Variants in CHL1 observed in about 807,000 individuals in gnomAD.
CHL1 encodes cell adhesion molecule L1 like, also known as neural cell adhesion molecule L1-like protein.
CHL1 carries 96 observed loss-of-function variants against 141.9 expected under a neutral mutation model. The observed-to-expected ratio is 0.68, with a 90% CI of 0.57 to 0.80. CHL1 has a LOEUF of 0.80. CHL1 is among the 30% of genes least tolerant of loss of function. The pLI, the probability that CHL1 is intolerant of heterozygous loss-of-function variation, is 0.00. For synonymous variants in CHL1, 613 were observed against 502.2 expected (o/e 1.22, Z -2.95); for missense variants, 1,820 against 1,457.2 (o/e 1.25, Z -4.05).
chr3:338,099 T>G (rs939046795), intron 5 of CHL1, among the ~76,000 whole-genome samples: 3 of 152,034 alleles, frequency 2.0e-5, no homozygotes, highest in Admixed American at 6.6e-5. Context: ...CTCCTGACCT[T>G]GTGATCCGCC....
chr3:308,333 C>G (rs1033611747), intron 2 of CHL1, among the ~76,000 whole-genome samples: 4 of 152,052 alleles, frequency 2.6e-5, no homozygotes, highest in Admixed American at 6.5e-5. Context: ...TGGCAACTGC[C>G]TCATAAAATG....
rs181641607 is a variant in CHL1, at chr3:298,346, G to A, written c.-94-21337G>A. Among the ~76,000 whole-genome samples, 657 of 152,218 alleles carry A rather than the reference G, an allele frequency of 4.3e-3. 6 individuals carry two copies. Among genetic ancestry groups the A allele is most frequent in the African/African-American group, 0.015 (634 of 41,542 alleles). ...TAATCACATGGCATGGGTGAGCCAG[G>A]GAGAGAGGTCTTTGACCTTCAGTAT... On this transcript the variant is annotated intron_variant, in intron 2 of 27. Transcript: ENST00000256509.
At chr3:223,051 C>T (rs1700998340) in intron 1 of CHL1, among the ~76,000 whole-genome samples, 1 of 152,176 alleles carries the variant, frequency 6.6e-6, no homozygotes, top group Non-Finnish European at 1.5e-5. Flanking sequence ...GACAATATCT[C>T]CCTCTCAAAA....
intron 1 of CHL1, among the ~76,000 whole-genome samples, chr3:214,791 T>C (rs934825123): frequency 6.6e-6 from 1 of 152,182 alleles, no homozygotes; most frequent in African/African-American, 2.4e-5. Context: ...CCTCATGTTA[T>C]GAGAGAGTAT....
Position 363,216 on chromosome 3 carries a change from G to A in CHL1, c.1419-1G>A. ...TGGATGTACGCTTTCTTTGTCCATA[G>A]GCAGAAGGTGGAAGAAGTGAAACCC... On this transcript the variant is annotated splice_acceptor_variant, in intron 13 of 27. Coordinates refer to ENST00000256509, the MANE Select transcript of CHL1 (RefSeq NM_006614.4). LOFTEE classifies it high-confidence loss of function. 1 of 1,607,360 alleles carries A rather than the reference G, an allele frequency of 6.2e-7. No homozygotes were observed. The highest frequency in any genetic ancestry group is 8.5e-7 in the Non-Finnish European group (1 of 1,177,692).
intron 1 of CHL1, among the ~76,000 whole-genome samples, chr3:201,664 T>C (rs1017047515): frequency 6.6e-6 from 1 of 152,208 alleles, no homozygotes; most frequent in African/African-American, 2.4e-5. Flanking sequence ...CTGAATCAAA[T>C]GATGCTGGCA....
At chr3:246,773 C>T (rs1351122523) in intron 2 of CHL1, 1 of 152,020 alleles carries the variant, frequency 6.6e-6, no homozygotes, top group Non-Finnish European at 1.5e-5. Flanking sequence ...TGAGTTTGTG[C>T]CTATCAGATG....
chr3:383,994 G>T, intron 19 of CHL1, 108 bp downstream of exon 19: 1 of 681,068 alleles, frequency 1.5e-6, no homozygotes, highest in Non-Finnish European at 2.5e-6. Context: ...ACAAAGATAA[G>T]ATTTGGAAAT....
At chr3:399,520 A>G (rs1304431948) in intron 26 of CHL1, among the ~76,000 whole-genome samples, 1 of 152,096 alleles carries the variant, frequency 6.6e-6, no homozygotes, top group East Asian at 1.9e-4. Context: ...GCTGCCTGTA[A>G]TCCCAGCTAC....
chr3:313,710 C>G (rs149800314), intron 2 of CHL1, among the ~76,000 whole-genome samples: 165 of 152,244 alleles, frequency 1.1e-3, no homozygotes, highest in African/African-American at 3.8e-3. Context: ...AAAACTTAGT[C>G]TTAACCATTT....
At chr3:331,011 T>C (rs565280893) in intron 5 of CHL1, among the ~76,000 whole-genome samples, 1 of 152,210 alleles carries the variant, frequency 6.6e-6, no homozygotes, top group Admixed American at 6.5e-5. Context: ...TGTGGAACAA[T>C]TGATAATTCA....
intron 2 of CHL1, chr3:246,758 G>A (rs1325167604): frequency 6.6e-6 from 1 of 152,102 alleles, no homozygotes; most frequent in Admixed American, 6.6e-5. Context: ...GAAATCTTAT[G>A]AGATTGAGTT....
At chr3:229,084 A>G (rs1451865264) in intron 1 of CHL1, among the ~76,000 whole-genome samples, 1 of 152,096 alleles carries the variant, frequency 6.6e-6, no homozygotes, top group African/African-American at 2.4e-5. Context: ...TTTGCAAGCA[A>G]CCAGCACAGT....
Position 382,370 on chromosome 3 carries a change from C to A in CHL1, c.1978+90C>A, listed in dbSNP as rs561887185. 2.1e-5 allele frequency: 30 copies of A among 1,455,722 alleles called. No homozygotes were observed. The South Asian group carries it at 2.9e-4, about 14-fold the overall frequency. The allele number at this position is 1,455,722 out of a possible 1,614,324, so 90.2% of individuals were successfully genotyped here. A position where few individuals can be genotyped will look rare whatever the true frequency, so the allele number is the denominator to read the frequency against. On this transcript the variant is annotated intron_variant, in intron 17 of 27. Transcript: ENST00000256509. ...TTTTAACCACTCTTACTGGTTTATT[C>A]TTCTTATAACATCCTTTTGAACTTT...
chr3:337,820 A>G (rs781049985), intron 5 of CHL1, among the ~76,000 whole-genome samples: 4 of 152,158 alleles, frequency 2.6e-5, no homozygotes, highest in African/African-American at 9.7e-5. Flanking sequence ...GTGAATAGTG[A>G]CACAATAAAC....
intron 2 of CHL1, among the ~76,000 whole-genome samples, chr3:277,623 C>CA (rs574151526): frequency 2.0e-4 from 31 of 151,772 alleles, no homozygotes; most frequent in African/African-American, 5.3e-4. Context: ...GAAAAAAATG[C>CA]AAAAAAAGGG....
chr3:321,186 G>T (rs1700533964), intron 3 of CHL1, among the ~76,000 whole-genome samples: 1 of 151,970 alleles, frequency 6.6e-6, no homozygotes, highest in Admixed American at 6.6e-5. Flanking sequence ...ACTTTGGAAA[G>T]AACTGAAATT....
chr3:237,797 T>G (rs934625965), intron 1 of CHL1, among the ~76,000 whole-genome samples: 2 of 151,340 alleles, frequency 1.3e-5, no homozygotes, highest in Non-Finnish European at 3.0e-5. Flanking sequence ...TCAACTGATA[T>G]TAGAAAAAAA....
At chr3:351,123 C>T (rs1703218425) in intron 10 of CHL1, among the ~76,000 whole-genome samples, 1 of 152,156 alleles carries the variant, frequency 6.6e-6, no homozygotes, top group Non-Finnish European at 1.5e-5. Context: ...TTTTAACAAT[C>T]TGGCCACAGT....
Sources: gnomAD v4.1 joint callset for allele counts (sites outside exome capture counted in the v4.1 genomes callset) on GRCh38, gnomAD v4.1.1 for gene constraint, MANE v1.5 for transcripts, NCBI Gene and HGNC (gene_info 2026-07-23, HGNC 2026-07-21) for gene names.